The following EYS variants were observed in gnomAD, a reference collection of about 807,000 sequenced individuals.
EYS encodes EGF-like photoreceptor maintenance factor.
Under a neutral mutation model 282.1 loss-of-function variants are expected in EYS, and 250 were observed. The ratio of observed to expected loss-of-function variants is 0.89; its 90% CI spans 0.80 to 0.98. The LOEUF (loss-of-function observed/expected upper bound fraction) is 0.98. EYS is among the 50% of genes least tolerant of loss of function. The pLI, the probability that EYS is intolerant of heterozygous loss-of-function variation, is 0.00. For missense variants in EYS, 4,016 were observed against 3,709.0 expected (o/e 1.08, Z -2.15); for synonymous variants, 1,355 against 1,282.9 (o/e 1.06, Z -1.20).
At chr6:65,148,275 C>T (rs1764526999) in intron 12 of EYS, among the ~76,000 whole-genome samples, 1 of 152,130 alleles carries the variant, frequency 6.6e-6, no homozygotes, top group Admixed American at 6.5e-5. Flanking sequence ...TTAGTTAATT[C>T]CTTGGTACAA....
chr6:64,283,168 G>A (rs990437974), intron 30 of EYS, among the ~76,000 whole-genome samples: 1 of 152,044 alleles, frequency 6.6e-6, no homozygotes, highest in African/African-American at 2.4e-5. Context: ...TTCTTTGCCT[G>A]AAATATTCCC....
intron 5 of EYS, among the ~76,000 whole-genome samples, chr6:65,442,710 T>C (rs1401602474): frequency 6.6e-6 from 1 of 151,360 alleles, no homozygotes. Flanking sequence ...GTCAAGATTG[T>C]GCCACTGCAC....
At chr6:63,804,838 G>T (rs1421819975) in intron 37 of EYS, among the ~76,000 whole-genome samples, 1 of 152,184 alleles carries the variant, frequency 6.6e-6, no homozygotes, top group Non-Finnish European at 1.5e-5. Flanking sequence ...TTAATTGCAG[G>T]CAGGAAATCA....
intron 12 of EYS, among the ~76,000 whole-genome samples, chr6:65,107,282 G>A (rs1442102281): frequency 2.7e-5 from 4 of 146,890 alleles, no homozygotes; most frequent in African/African-American, 1.0e-4. Flanking sequence ...AAATCTTCAA[G>A]AGTCTGGGTT....
intron 2 of EYS, among the ~76,000 whole-genome samples, chr6:65,622,889 C>T (rs1766569787): frequency 6.6e-6 from 1 of 151,864 alleles, no homozygotes; most frequent in Non-Finnish European, 1.5e-5. Context: ...TCCCAAGTAG[C>T]TGGAACTATA....
chr6:64,168,446 G>T (rs1764371940), intron 31 of EYS, among the ~76,000 whole-genome samples: 1 of 151,996 alleles, frequency 6.6e-6, no homozygotes, highest in African/African-American at 2.4e-5. Context: ...CTACTCCTAG[G>T]TATCTAAGCA....
intron 36 of EYS, among the ~76,000 whole-genome samples, chr6:63,862,597 T>C (rs1297854716): frequency 6.6e-6 from 1 of 152,206 alleles, no homozygotes; most frequent in Non-Finnish European, 1.5e-5. Context: ...CTTTACTTCT[T>C]ATTTTATATG....
intron 35 of EYS, among the ~76,000 whole-genome samples, chr6:63,895,920 T>TG (rs1461105784): frequency 3.3e-5 from 5 of 149,736 alleles, no homozygotes; most frequent in Non-Finnish European, 5.9e-5. Context: ...TTTTTTTTTT[T>TG]TTTTTTTTTT....
intron 12 of EYS, among the ~76,000 whole-genome samples, chr6:65,103,465 A>G (rs1774948999): frequency 6.6e-6 from 1 of 151,352 alleles, no homozygotes; most frequent in South Asian, 2.1e-4. Flanking sequence ...TTTTCATTCA[A>G]AAATTACTAT....
intron 10 of EYS, among the ~76,000 whole-genome samples, chr6:65,339,284 T>C (rs1180120682): frequency 2.0e-5 from 3 of 151,120 alleles, no homozygotes; most frequent in African/African-American, 7.3e-5. Context: ...AAAAATAGAA[T>C]GCAGGAGAAA....
intron 26 of EYS, among the ~76,000 whole-genome samples, chr6:64,543,250 A>G (rs1044639440): frequency 6.6e-5 from 10 of 152,136 alleles, no homozygotes; most frequent in African/African-American, 2.4e-4. Context: ...AGGATAATCT[A>G]AATCACCAGA....
At chr6:65,034,933 C>G (rs181089342) in intron 13 of EYS, among the ~76,000 whole-genome samples, 30 of 152,202 alleles carry the variant, frequency 2.0e-4, no homozygotes, top group Middle Eastern at 6.8e-3. Flanking sequence ...AGACCGATAT[C>G]TCTGAATAAC....
chr6:65,014,129 G>A (rs1186392343), intron 13 of EYS, among the ~76,000 whole-genome samples: 2 of 152,154 alleles, frequency 1.3e-5, no homozygotes, highest in Non-Finnish European at 2.9e-5. Flanking sequence ...ATGGCATCTG[G>A]TTTGCAGCAG....
At chr6:65,533,008 T>C (rs905506187) in intron 2 of EYS, among the ~76,000 whole-genome samples, 21 of 152,106 alleles carry the variant, frequency 1.4e-4, no homozygotes, top group African/African-American at 4.8e-4. Flanking sequence ...AGATTTTTAA[T>C]AATAAAAAAG....
At chr6:64,563,903 T>C (rs1246380713) in intron 26 of EYS, among the ~76,000 whole-genome samples, 2 of 151,998 alleles carry the variant, frequency 1.3e-5, no homozygotes, top group African/African-American at 4.8e-5. Context: ...TTTTTATTTT[T>C]AAAATTTATA....
rs1768493363 is a variant in EYS, at chr6:64,009,296, T to C, written c.6726-10113A>G. On this transcript the variant is annotated intron_variant, in intron 33 of 42. Transcript: ENST00000503581. ...TTAGGAAATTCTCGATTTTTTTTTT[T>C]TTTTGGAGACGGAGTCTCACTCTGT... Among the ~76,000 whole-genome samples, 3 of 151,958 alleles carry C rather than the reference T, an allele frequency of 2.0e-5. No homozygotes were observed. The South Asian group carries it at 6.2e-4, about 32-fold the overall frequency.
chr6:64,302,943 C>A (rs149387392), intron 30 of EYS, among the ~76,000 whole-genome samples: 1 of 152,010 alleles, frequency 6.6e-6, no homozygotes, highest in Non-Finnish European at 1.5e-5. Flanking sequence ...CAGCACGATG[C>A]ATCAAACCAT....
intron 2 of EYS, among the ~76,000 whole-genome samples, chr6:65,550,297 CTTTTT>C (rs1233846388): frequency 7.8e-5 from 1 of 12,824 alleles, no homozygotes; most frequent in East Asian, 3.2e-3. Flanking sequence ...TGCAAGATTG[CTTTTT>C]TTTTTTTTTT....
Position 65,689,550 on chromosome 6 carries a change from G to T in EYS, c.-448+17585C>A, listed in dbSNP as rs563922900. ...AAAAAAAATTATGTGTAAAAATTAA[G>T]ATAAATTGAAAAGTAGAAAAAATTA... On this transcript the variant is annotated intron_variant, in intron 1 of 42. Coordinates refer to ENST00000503581, the MANE Select transcript of EYS (RefSeq NM_001142800.2). 4.0e-5 allele frequency among the ~76,000 whole-genome samples: 6 copies of T among 149,760 alleles called. 1 individual carries two copies. Among genetic ancestry groups the T allele is most frequent in the African/African-American group, 1.5e-4 (6 of 41,170 alleles).
Sources: gnomAD v4.1 joint callset for allele counts (sites outside exome capture counted in the v4.1 genomes callset) on GRCh38, gnomAD v4.1.1 for gene constraint, MANE v1.5 for transcripts, NCBI Gene and HGNC (gene_info 2026-07-23, HGNC 2026-07-21) for gene names.